Variants in RAB11FIP4 observed in about 807,000 individuals in gnomAD.
RAB11FIP4 encodes the protein RAB11 family interacting protein 4.
Under a neutral mutation model 74.3 loss-of-function variants are expected in RAB11FIP4, and 23 were observed. That is an observed-to-expected ratio of 0.31 (90% confidence interval 0.22 to 0.44). The LOEUF is 0.44. Among genes scored for constraint, RAB11FIP4 ranks in the 20% least tolerant of loss-of-function variants. The pLI is 1.00. For missense variants in RAB11FIP4, 630 were observed against 863.9 expected (o/e 0.73, Z 3.39); for synonymous variants, 360 against 359.9 (o/e 1.00, Z 0.00).
At chr17:31,477,531 C>T (rs559994718) in intron 3 of RAB11FIP4, among the ~76,000 whole-genome samples, 32 of 152,330 alleles carry the variant, frequency 2.1e-4, no homozygotes, top group African/African-American at 6.0e-4. Flanking sequence ...GCAGCGCGGG[C>T]GTCAGAGGCG....
intron 3 of RAB11FIP4, among the ~76,000 whole-genome samples, chr17:31,458,928 C>A (rs1215143777): frequency 6.6e-6 from 1 of 152,182 alleles, no homozygotes; most frequent in African/African-American, 2.4e-5. Context: ...CATGCACAGT[C>A]ATGTGTGTGA....
At chr17:31,463,269 C>T (rs1013695824) in intron 3 of RAB11FIP4, among the ~76,000 whole-genome samples, 4 of 152,102 alleles carry the variant, frequency 2.6e-5, no homozygotes, top group African/African-American at 9.7e-5. Context: ...CATCATGACC[C>T]CTTTAGCCTC....
intron 3 of RAB11FIP4, among the ~76,000 whole-genome samples, chr17:31,460,061 G>C (rs2071620511): frequency 6.6e-6 from 1 of 152,182 alleles, no homozygotes; most frequent in Non-Finnish European, 1.5e-5. Flanking sequence ...CCCACCATGG[G>C]CTGGGACAGA....
chr17:31,524,069 C>A, intron 9 of RAB11FIP4, 73 bp downstream of exon 9: 1 of 1,104,974 alleles, frequency 9.0e-7, no homozygotes, highest in East Asian at 2.5e-5. Context: ...TTGCTAAGAC[C>A]TCCAGGAGGA....
chr17:31,500,663 T>C (rs1163309269), intron 3 of RAB11FIP4, among the ~76,000 whole-genome samples: 1 of 152,212 alleles, frequency 6.6e-6, no homozygotes, highest in Non-Finnish European at 1.5e-5. Flanking sequence ...AATTCTAACG[T>C]CTCTGAACTG....
chr17:31,410,944 T>C (rs78154323), intron 1 of RAB11FIP4, among the ~76,000 whole-genome samples: 3,471 of 152,256 alleles, frequency 0.023, 131 homozygotes, highest in African/African-American at 0.079. Context: ...GGTCCCACCC[T>C]GGTGAACAGG....
chr17:31,513,983 G>C (rs1174204195), intron 3 of RAB11FIP4, among the ~76,000 whole-genome samples: 1 of 152,204 alleles, frequency 6.6e-6, no homozygotes, highest in African/African-American at 2.4e-5. Context: ...CAGCTCGCAC[G>C]GGGCTGTTGT....
intron 1 of RAB11FIP4, among the ~76,000 whole-genome samples, chr17:31,404,194 G>A (rs1044352398): frequency 1.3e-5 from 2 of 152,186 alleles, no homozygotes; most frequent in Non-Finnish European, 2.9e-5. Context: ...TGGCCGCCCC[G>A]CCAGCCCGTG....
rs1228475261 is a variant in RAB11FIP4, at chr17:31,531,507, T to G, written c.1798-109T>G. On this transcript the variant is annotated intron_variant, in intron 14 of 14. Coordinates refer to ENST00000621161, the MANE Select transcript of RAB11FIP4 (RefSeq NM_032932.6). ...GGGGCCCACCTTGCCCAGGATCTCC[T>G]GATGCCCTCTATTGTCAGGCACTGG... is the stretch of plus-strand genomic sequence containing the variant. 7 of 738,516 alleles carry G rather than the reference T, an allele frequency of 9.5e-6. No homozygotes were observed. In the African/African-American group the frequency reaches 1.0e-4, roughly 11 times the overall value. 45.7% of individuals were successfully genotyped at this position (738,516 alleles called of 1,614,324 possible). A position where few individuals can be genotyped will look rare whatever the true frequency, so the allele number is the denominator to read the frequency against.
chr17:31,464,749 CT>C (rs58083480), intron 3 of RAB11FIP4, among the ~76,000 whole-genome samples: 1,260 of 39,424 alleles, frequency 0.032, 10 homozygotes, highest in African/African-American at 0.074. Flanking sequence ...CTGTGCCCGG[CT>C]TTTTTTTTTT....
chr17:31,428,821 A>G (rs2071278271), intron 1 of RAB11FIP4, among the ~76,000 whole-genome samples: 1 of 152,100 alleles, frequency 6.6e-6, no homozygotes, highest in South Asian at 2.1e-4. Context: ...GCGTGCCTGT[A>G]GTCCCAGCTA....
intron 3 of RAB11FIP4, among the ~76,000 whole-genome samples, chr17:31,475,948 T>A (rs567962520): frequency 1.3e-5 from 2 of 152,188 alleles, no homozygotes; most frequent in African/African-American, 2.4e-5. Flanking sequence ...CTACAGTGAG[T>A]TCAATGTTAA....
chr17:31,514,467 G>C (rs1293657142), intron 3 of RAB11FIP4, among the ~76,000 whole-genome samples: 2 of 144,770 alleles, frequency 1.4e-5, no homozygotes, highest in Non-Finnish European at 1.5e-5. Flanking sequence ...TGGGGAAACA[G>C]AATCATGTCC....
At chr17:31,511,172 A>T (rs143333870) in intron 3 of RAB11FIP4, among the ~76,000 whole-genome samples, 161 of 152,326 alleles carry the variant, frequency 1.1e-3, no homozygotes, top group African/African-American at 3.7e-3. Flanking sequence ...GCAGTTCAGT[A>T]ACCCTGAAGC....
At chr17:31,460,170 G>C (rs1427646145) in intron 3 of RAB11FIP4, among the ~76,000 whole-genome samples, 3 of 152,224 alleles carry the variant, frequency 2.0e-5, no homozygotes, top group Non-Finnish European at 2.9e-5. Flanking sequence ...TCTGGTGGAG[G>C]AGCAAGCACG....
intron 3 of RAB11FIP4, among the ~76,000 whole-genome samples, chr17:31,459,589 C>T (rs1486966249): frequency 6.6e-6 from 1 of 152,162 alleles, no homozygotes; most frequent in African/African-American, 2.4e-5. Context: ...CTTCCACTCC[C>T]ACGCCTGATG....
chr17:31,523,529 G>A lies in RAB11FIP4; in HGVS notation c.947G>A (p.Ser316Asn). The change falls in exon 8 of 15, where the codon AGC becomes AAC. Residue 316 changes from serine (S) to asparagine (N), a missense_variant. By Grantham distance (46) the Ser-to-Asn change is conservative. Coordinates refer to ENST00000621161, the MANE Select transcript of RAB11FIP4 (RefSeq NM_032932.6). Reference sequence around the variant, plus strand: ...CCCTGCAGGCAGCTCATGCACAGCAGCAACTTCAGCAGCAGCAATGGCAGC... The same window carrying A: ...CCCTGCAGGCAGCTCATGCACAGCAACAACTTCAGCAGCAGCAATGGCAGC... The part of the protein sequence containing the change: ...TAFGRQLMHS[S>N]NFSSSNGSTE... 6.2e-7 allele frequency: 1 copy of A among 1,614,112 alleles called. No homozygotes were observed. The highest frequency in any genetic ancestry group is 8.5e-7 in the Non-Finnish European group (1 of 1,180,008).
Position 31,517,647 on chromosome 17 carries a change from C to A in RAB11FIP4, c.337-4C>A. Reference sequence around the variant, plus strand: ...TTATCTTGTCTCTGCTCTCTCTTTCCCAGGGCAGCGAGGTCACAGGCCCCA... The same window carrying A: ...TTATCTTGTCTCTGCTCTCTCTTTCACAGGGCAGCGAGGTCACAGGCCCCA... On this transcript the variant is annotated splice_region_variant and splice_polypyrimidine_tract_variant and intron_variant, in intron 3 of 14. Transcript: ENST00000621161. The A allele has an allele frequency of 6.3e-7, 1 of 1,596,786 alleles. No individual in the cohort carries two copies. Among genetic ancestry groups the A allele is most frequent in the East Asian group, 2.3e-5 (1 of 44,422 alleles).
chr17:31,458,546 G>A (rs1241814422), intron 3 of RAB11FIP4, among the ~76,000 whole-genome samples: 1 of 152,178 alleles, frequency 6.6e-6, no homozygotes, highest in Admixed American at 6.5e-5. Context: ...GCTGTGCCAG[G>A]GGTGTTTGGA....
Sources: allele counts gnomAD v4.1 joint callset (sites outside exome capture counted in the v4.1 genomes callset), GRCh38; gene constraint gnomAD v4.1.1; transcripts MANE v1.5; gene names NCBI Gene and HGNC (gene_info 2026-07-23, HGNC 2026-07-21).